The following PRTG variants were observed in gnomAD, a reference collection of about 807,000 sequenced individuals.
PRTG encodes the protein immunoglobulin superfamily, DCC subclass, member 5.
A neutral mutation model predicts 122.5 loss-of-function variants in PRTG; 67 were observed. That is an observed-to-expected ratio of 0.55 (90% CI 0.45 to 0.67). The LOEUF (loss-of-function observed/expected upper bound fraction) is 0.67, where lower values mean the gene tolerates loss of function less well. PRTG is among the 30% of genes least tolerant of loss of function. The probability of loss-of-function intolerance (pLI) is 0.00; values close to 1 mark genes in which losing one functional copy is unlikely to be tolerated. For missense variants in PRTG, 1,435 were observed against 1,415.4 expected, an observed-to-expected ratio of 1.01 and a Z score of -0.22; for synonymous variants, 554 against 501.1, an observed-to-expected ratio of 1.11 and a Z score of -1.41.
At chr15:55,693,349 G>C (rs916569489) in intron 2 of PRTG, among the ~76,000 whole-genome samples, 1 of 152,034 alleles carries the variant, frequency 6.6e-6, no homozygotes, top group African/African-American at 2.4e-5. Flanking sequence ...CCAGCTACTT[G>C]GGAGGGTGAG....
At chr15:55,729,428 T>TA (rs1423847761) in intron 2 of PRTG, among the ~76,000 whole-genome samples, 3 of 151,954 alleles carry the variant, frequency 2.0e-5, no homozygotes, top group African/African-American at 7.3e-5. Context: ...TTTCTGGAAT[T>TA]AGACAGTGGT....
intron 2 of PRTG, among the ~76,000 whole-genome samples, chr15:55,690,235 T>C (rs1236486061): frequency 2.0e-5 from 3 of 152,190 alleles, no homozygotes; most frequent in East Asian, 3.8e-4. Flanking sequence ...TTGAAAACAA[T>C]TTTAATCACT....
intron 2 of PRTG, among the ~76,000 whole-genome samples, chr15:55,735,395 T>G (rs557225547): frequency 6.6e-6 from 1 of 152,222 alleles, no homozygotes; most frequent in South Asian, 2.1e-4. Flanking sequence ...TGTATTTTAT[T>G]TATTAATTAA....
chr15:55,713,775 T>C (rs1336684308), intron 2 of PRTG, among the ~76,000 whole-genome samples: 1 of 152,202 alleles, frequency 6.6e-6, no homozygotes, highest in African/African-American at 2.4e-5. Context: ...TTGATTTGTA[T>C]GAGTTCTTTC....
At chr15:55,648,156 C>A (rs537909060) in intron 11 of PRTG, among the ~76,000 whole-genome samples, 6 of 152,094 alleles carry the variant, frequency 3.9e-5, no homozygotes. Context: ...AACAGTAAGT[C>A]ATTTCATTAA....
rs539931561 is a variant in PRTG, at chr15:55,613,066, A to G, written c.*6946T>C. 2 of 152,032 alleles carry G rather than the reference A, an allele frequency of 1.3e-5. No individual in the cohort carries two copies. Among genetic ancestry groups the G allele is most frequent in the Non-Finnish European group, 2.9e-5 (2 of 67,930 alleles). 9.4% of individuals were successfully genotyped at this position (152,032 alleles called of 1,614,324 possible). On this transcript the variant is annotated 3_prime_UTR_variant, in exon 20 of 20. Transcript: ENST00000389286. ...TTTTCTCTTAAGTTTTCAAAGTACT[A>G]TTGTTTCATTTTGCACAAAAAAATT...
intron 2 of PRTG, among the ~76,000 whole-genome samples, chr15:55,694,682 T>C (rs956995856): frequency 1.3e-5 from 2 of 152,250 alleles, no homozygotes; most frequent in African/African-American, 4.8e-5. Context: ...ACTGAGTAAA[T>C]GACTATGTCT....
chr15:55,738,361 G>C lies in PRTG; in HGVS notation c.397+2021C>G, dbSNP rs1294735265. On this transcript the variant is annotated intron_variant, in intron 2 of 19. Transcript: ENST00000389286. The stretch of plus-strand genomic sequence containing the variant: ...TTTATTTATGAAGTTAGAAAGCTCT[G>C]TGTTTTTCCAAAAGTGTTTCTGGAA... 6 of 620,820 alleles carry C rather than the reference G, an allele frequency of 9.7e-6. No individual in the cohort carries two copies. The African/African-American group carries it at 1.1e-4, about 11-fold the overall frequency. 38.5% of individuals were successfully genotyped at this position (620,820 alleles called of 1,614,324 possible). A position where few individuals can be genotyped will look rare whatever the true frequency, so the allele number is the denominator to read the frequency against.
intron 2 of PRTG, chr15:55,702,934 T>C (rs1421123167): frequency 6.1e-6 from 6 of 985,342 alleles, no homozygotes; most frequent in South Asian, 9.4e-5. Flanking sequence ...TGCAGACACA[T>C]GTCAGTTCCG....
intron 15 of PRTG, among the ~76,000 whole-genome samples, chr15:55,629,819 A>ATT (rs563897634): frequency 1.4e-4 from 19 of 140,048 alleles, no homozygotes; most frequent in Non-Finnish European, 1.6e-4. Flanking sequence ...TACTGGTCTA[A>ATT]TTTTTTTTTT....
Position 55,673,625 on chromosome 15 carries a change from A to AT in PRTG, c.1597dup (p.Ile533AsnfsTer29). ...TGGGATTGGCAGCCAGGAGATGAGA[A>AT]TATCAGTGGGACTTCGACTTGTCAA... On this transcript the variant is annotated frameshift_variant, in exon 10 of 20. Transcript: ENST00000389286. LOFTEE classifies it high-confidence loss of function. 6.2e-7 allele frequency: 1 copy of AT among 1,614,236 alleles called. No individual in the cohort carries two copies. The highest frequency in any genetic ancestry group is 8.5e-7 in the Non-Finnish European group (1 of 1,180,026).
chr15:55,713,698 A>T (rs1389560919), intron 2 of PRTG, among the ~76,000 whole-genome samples: 2 of 150,888 alleles, frequency 1.3e-5, no homozygotes, highest in African/African-American at 4.9e-5. Context: ...TTTCATGTTT[A>T]TAAGCTTTTT....
At chr15:55,643,757 T>C (rs1254314531) in intron 11 of PRTG, among the ~76,000 whole-genome samples, 1 of 152,140 alleles carries the variant, frequency 6.6e-6, no homozygotes, top group Non-Finnish European at 1.5e-5. Context: ...CCAATATACA[T>C]GAAGCTGAAC....
At chr15:55,712,775 T>C (rs1199095050) in intron 2 of PRTG, among the ~76,000 whole-genome samples, 2 of 152,132 alleles carry the variant, frequency 1.3e-5, no homozygotes, top group Admixed American at 6.6e-5. Context: ...GGGAGAAAAC[T>C]AGTAAAAAGC....
chr15:55,692,238 G>A (rs1445788908), intron 2 of PRTG, among the ~76,000 whole-genome samples: 1 of 152,034 alleles, frequency 6.6e-6, no homozygotes, highest in African/African-American at 2.4e-5. Flanking sequence ...CCATCAAAAA[G>A]CCAAGTACTT....
chr15:55,620,259 C>T lies in PRTG; in HGVS notation c.3206G>A (p.Arg1069Lys), dbSNP rs1024728927. 5 of 1,613,488 alleles carry T rather than the reference C, an allele frequency of 3.1e-6. No homozygotes were observed. In the Admixed American group the frequency reaches 8.3e-5, roughly 27 times the overall value. Residue 1069 changes from arginine (R) to lysine (K), a missense_variant, in exon 20 of 20, where the codon AGA becomes AAA. Arg to Lys is a conservative substitution (Grantham distance 26). Transcript: ENST00000389286. ...SKKIQVEQPQ[R>K]RFTPAVCFYQ... ...AAAGCAGACCGCTGGAGTAAATCTT[C>T]TTTGAGGCTAGGCAAAAAAAGATAA...
intron 2 of PRTG, 89 bp downstream of exon 2, chr15:55,740,293 T>A: frequency 1.6e-6 from 2 of 1,253,242 alleles, no homozygotes; most frequent in Non-Finnish European, 2.2e-6. Flanking sequence ...AATGCATGCA[T>A]GATTCGGGGG....
intron 2 of PRTG, among the ~76,000 whole-genome samples, chr15:55,705,593 A>G (rs538719954): frequency 6.6e-6 from 1 of 152,102 alleles, no homozygotes; most frequent in African/African-American, 2.4e-5. Context: ...AGCTGCGATT[A>G]CAGGTGACCC....
rs535005899 is a variant in PRTG at position 55,628,319 on chromosome 15, TGATGAGTA to T, written c.2806+495_2806+502del. Among the ~76,000 whole-genome samples the T allele has an allele frequency of 2.4e-4, 37 of 151,136 alleles. No homozygotes were observed. In the East Asian group the frequency reaches 7.0e-3, roughly 29 times the overall value. On this transcript the variant is annotated intron_variant, in intron 16 of 19. Transcript: ENST00000389286. Reference sequence around the variant, plus strand: ...TTTCTTGAGAACACATGGACAGCTGTGATGAGTAGTGTAAGGGTAGCTCTTTAAAGATA... The same window carrying T: ...TTTCTTGAGAACACATGGACAGCTGTGTGTAAGGGTAGCTCTTTAAAGATA...
Sources: allele counts gnomAD v4.1 joint callset (sites outside exome capture counted in the v4.1 genomes callset), GRCh38; gene constraint gnomAD v4.1.1; transcripts MANE v1.5; gene names NCBI Gene and HGNC (gene_info 2026-07-23, HGNC 2026-07-21).